Variants in RBFOX1 observed in about 807,000 individuals in gnomAD.
RBFOX1 encodes RNA binding protein fox-1 homolog 1.
A neutral mutation model predicts 57.7 loss-of-function variants in RBFOX1; 8 were observed. The observed-to-expected ratio is 0.14, with a 90% CI of 0.08 to 0.25. The LOEUF (loss-of-function observed/expected upper bound fraction) is 0.25, where lower values mean the gene tolerates loss of function less well. RBFOX1 is among the 10% of genes least tolerant of loss of function. The pLI, the probability that RBFOX1 is intolerant of heterozygous loss-of-function variation, is 1.00. For synonymous variants in RBFOX1, 326 were observed against 222.4 expected (o/e 1.47, Z -4.15); for missense variants, 611 against 548.5 (o/e 1.11, Z -1.14).
chr16:7,268,390 C>G (rs185417433), intron 4 of RBFOX1, among the ~76,000 whole-genome samples: 220 of 152,282 alleles, frequency 1.4e-3, no homozygotes, highest in African/African-American at 5.0e-3. Flanking sequence ...CTCGCTCTCA[C>G]TCTTACTGGT....
chr16:6,395,998 G>A lies in RBFOX1; in HGVS notation c.-64+78941G>A, dbSNP rs149288597. Among the ~76,000 whole-genome samples the A allele has an allele frequency of 1.6e-3, 230 of 145,682 alleles. 1 individual carries two copies. Among genetic ancestry groups the A allele is most frequent in the African/African-American group, 5.6e-3 (218 of 38,674 alleles). ...GTAGAATTACTTGAATCCGGGAGGT[G>A]GAAGTTGCAGTGAGCTGAGATCGCA... is the stretch of plus-strand genomic sequence containing the variant. On this transcript the variant is annotated intron_variant, in intron 2 of 15. Transcript: ENST00000550418.
intron 3 of RBFOX1, among the ~76,000 whole-genome samples, chr16:5,725,600 C>G (rs1403075498): frequency 6.6e-6 from 1 of 151,404 alleles, no homozygotes; most frequent in Non-Finnish European, 1.5e-5. Context: ...AAGGCTCTCT[C>G]TGTAGCCCTT....
chr16:7,695,926 G>C (rs1598324919), intron 14 of RBFOX1, among the ~76,000 whole-genome samples: 2 of 152,152 alleles, frequency 1.3e-5, no homozygotes, highest in South Asian at 4.1e-4. Flanking sequence ...GATGCCCATG[G>C]TGGATGGGCT....
intron 3 of RBFOX1, among the ~76,000 whole-genome samples, chr16:6,895,381 C>G (rs1472145670): frequency 6.8e-6 from 1 of 147,058 alleles, no homozygotes; most frequent in East Asian, 2.0e-4. Flanking sequence ...CTGGTTTACC[C>G]TCTTCGTCTG....
chr16:7,168,089 G>T (rs1048517325), intron 4 of RBFOX1, among the ~76,000 whole-genome samples: 1 of 152,144 alleles, frequency 6.6e-6, no homozygotes, highest in Non-Finnish European at 1.5e-5. Flanking sequence ...GACAGCATTA[G>T]CTACATTTAA....
At chr16:7,686,643 A>G (rs533903941) in intron 14 of RBFOX1, among the ~76,000 whole-genome samples, 2 of 152,252 alleles carry the variant, frequency 1.3e-5, no homozygotes, top group South Asian at 2.1e-4. Context: ...AACTTGCACA[A>G]AAGGTCTGGG....
chr16:5,473,669 G>A (rs1020085316), intron 2 of RBFOX1, among the ~76,000 whole-genome samples: 2 of 135,944 alleles, frequency 1.5e-5, no homozygotes, highest in East Asian at 2.4e-4. Context: ...AAGGAAGGAA[G>A]GATGGGTGGG....
At chr16:7,372,263 C>G (rs1159165609) in intron 4 of RBFOX1, among the ~76,000 whole-genome samples, 1 of 152,170 alleles carries the variant, frequency 6.6e-6, no homozygotes. Flanking sequence ...TGAGTAACCA[C>G]TTCATACTTC....
At position 7,548,985 on chromosome 16, in the gene RBFOX1, G is replaced by A. The variant is rs747035373; in HGVS notation, c.270+30596G>A. Reference sequence around the variant, plus strand: ...CCCAGAGCTCACATTCCAGGGATCCGAAGAAACACATCAGAGTAATGGCTA... The same window carrying A: ...CCCAGAGCTCACATTCCAGGGATCCAAAGAAACACATCAGAGTAATGGCTA... On this transcript the variant is annotated intron_variant, in intron 5 of 15. Coordinates refer to ENST00000550418, the MANE Select transcript of RBFOX1 (RefSeq NM_018723.4). Among the ~76,000 whole-genome samples, 5 of 152,184 alleles carry A rather than the reference G, an allele frequency of 3.3e-5. No homozygotes were observed. In the South Asian group the frequency reaches 6.2e-4, roughly 19 times the overall value.
At chr16:7,113,646 A>G (rs530870439) in intron 4 of RBFOX1, among the ~76,000 whole-genome samples, 99 of 152,336 alleles carry the variant, frequency 6.5e-4, no homozygotes, top group Non-Finnish European at 1.3e-3. Context: ...TTCTGACTCA[A>G]TATCCTTCCA....
chr16:7,421,539 C>G (rs2098542756), intron 4 of RBFOX1, among the ~76,000 whole-genome samples: 2 of 152,184 alleles, frequency 1.3e-5, no homozygotes, highest in African/African-American at 2.4e-5. Flanking sequence ...AATCTGAGGT[C>G]TGATGATATT....
At chr16:5,860,018 C>G (rs1004831933) in intron 3 of RBFOX1, among the ~76,000 whole-genome samples, 4 of 152,146 alleles carry the variant, frequency 2.6e-5, no homozygotes, top group Admixed American at 1.3e-4. Context: ...TTAGGATAGT[C>G]AAAATTCTGA....
intron 3 of RBFOX1, among the ~76,000 whole-genome samples, chr16:6,848,664 A>G (rs1446778206): frequency 6.6e-6 from 1 of 152,138 alleles, no homozygotes; most frequent in Admixed American, 6.6e-5. Context: ...GAGGGAAAAA[A>G]GCAACCTAGG....
At chr16:6,819,611 A>G (rs370959018) in intron 3 of RBFOX1, among the ~76,000 whole-genome samples, 1 of 145,528 alleles carries the variant, frequency 6.9e-6, no homozygotes, top group Admixed American at 7.1e-5. Context: ...AGGCTGAGGC[A>G]GGAGAATTGC....
At chr16:6,405,021 A>G (rs2093224681) in intron 2 of RBFOX1, among the ~76,000 whole-genome samples, 1 of 152,192 alleles carries the variant, frequency 6.6e-6, no homozygotes, top group African/African-American at 2.4e-5. Flanking sequence ...AAGGTCAGGT[A>G]TAAATGAACT....
At chr16:5,678,569 G>A (rs1240273637) in intron 3 of RBFOX1, among the ~76,000 whole-genome samples, 1 of 152,146 alleles carries the variant, frequency 6.6e-6, no homozygotes, top group East Asian at 1.9e-4. Flanking sequence ...CCATGGTGCT[G>A]GATGGTTACG....
At chr16:6,928,809 G>T (rs756934242) in intron 3 of RBFOX1, among the ~76,000 whole-genome samples, 1 of 152,068 alleles carries the variant, frequency 6.6e-6, no homozygotes, top group Non-Finnish European at 1.5e-5. Flanking sequence ...TATGCACACA[G>T]AAAAAGAACA....
intron 3 of RBFOX1, among the ~76,000 whole-genome samples, chr16:6,691,764 G>C (rs1323361943): frequency 3.3e-5 from 5 of 152,210 alleles, no homozygotes; most frequent in African/African-American, 1.2e-4. Flanking sequence ...TGATTAAGTT[G>C]AGGACCTTGG....
At chr16:7,470,092 G>A (rs898436206) in intron 4 of RBFOX1, among the ~76,000 whole-genome samples, 8 of 147,848 alleles carry the variant, frequency 5.4e-5, no homozygotes, top group Non-Finnish European at 1.2e-4. Flanking sequence ...CTGTTCATAT[G>A]TCAATGGACA....
Sources: gnomAD v4.1 joint callset for allele counts (sites outside exome capture counted in the v4.1 genomes callset) on GRCh38, gnomAD v4.1.1 for gene constraint, MANE v1.5 for transcripts, NCBI Gene and HGNC (gene_info 2026-07-23, HGNC 2026-07-21) for gene names.